ACTR3C: variants seen among roughly 807,000 people sequenced by gnomAD.
ACTR3C encodes actin related protein 3C, also known as actin-related protein 3C.
Under a neutral mutation model 26.3 loss-of-function variants are expected in ACTR3C, and 18 were observed. That is an observed-to-expected ratio of 0.68 (90% CI 0.47 to 1.01). The LOEUF is 1.01. ACTR3C is among the 50% of genes least tolerant of loss of function. ACTR3C has a pLI of 0.00. For synonymous variants in ACTR3C, 55 were observed against 94.5 expected (o/e 0.58, Z 2.42); for missense variants, 184 against 250.7 (o/e 0.73, Z 1.80).
the ACTR3C span, among the ~76,000 whole-genome samples, chr7:149,940,371 A>G: frequency 7.3e-4 from 111 of 152,112 alleles, no homozygotes; most frequent in Non-Finnish European, 1.4e-3. Flanking sequence ...TTTTCTTCTG[A>G]TCACATCTTA....
the ACTR3C span, among the ~76,000 whole-genome samples, chr7:150,036,399 A>G: frequency 6.8e-6 from 1 of 147,308 alleles, no homozygotes; most frequent in African/African-American, 2.5e-5. Context: ...AGTTTGGGTT[A>G]AAAGTCCAGC....
intron 6 of ACTR3C, among the ~76,000 whole-genome samples, chr7:150,280,097 G>A (rs1244862742): frequency 5.3e-5 from 8 of 152,164 alleles, no homozygotes; most frequent in South Asian, 2.1e-4. Flanking sequence ...GTGGGCTGGC[G>A]CTGATGGCGG....
At chr7:150,265,853 G>A (rs148709735) in intron 6 of ACTR3C, among the ~76,000 whole-genome samples, 6,794 of 152,050 alleles carry the variant, frequency 0.045, 442 homozygotes, top group African/African-American at 0.13. Context: ...ACATCTAGGA[G>A]CGGGGAGCAT....
chr7:150,076,647 T>A, the ACTR3C span: 2 of 152,142 alleles, frequency 1.3e-5, no homozygotes, highest in East Asian at 3.9e-4. Flanking sequence ...CCCAGAATAA[T>A]CACAACTTCA....
At chr7:150,229,892 T>C in the ACTR3C span, among the ~76,000 whole-genome samples, 1 of 151,914 alleles carries the variant, frequency 6.6e-6, no homozygotes, top group South Asian at 2.1e-4. Context: ...GAAGATATTA[T>C]AGAGGATTTG....
chr7:150,045,922 A>C, the ACTR3C span, among the ~76,000 whole-genome samples: 1 of 152,108 alleles, frequency 6.6e-6, no homozygotes, highest in Non-Finnish European at 1.5e-5. Flanking sequence ...TCCTGTTTGC[A>C]TTGCAGCTTA....
chr7:150,302,210 G>C (rs1253269069), intron 1 of ACTR3C, among the ~76,000 whole-genome samples: 1 of 152,210 alleles, frequency 6.6e-6, no homozygotes, highest in Admixed American at 6.5e-5. Flanking sequence ...CAAATGTAAA[G>C]CATATGGCAA....
At chr7:150,069,103 T>A in the ACTR3C span, among the ~76,000 whole-genome samples, 6 of 152,212 alleles carry the variant, frequency 3.9e-5, no homozygotes, top group Non-Finnish European at 5.9e-5. Context: ...TTTGAAATAA[T>A]GGTGACAGTA....
At chr7:150,246,632 T>C (rs1832479476), downstream of ACTR3C, 1 of 152,218 alleles carries the variant, frequency 6.6e-6, no homozygotes, top group South Asian at 2.1e-4. Context: ...GACAAGTAGA[T>C]GAGTAGAACA....
At chr7:150,007,541 T>A in the ACTR3C span, among the ~76,000 whole-genome samples, 2 of 152,232 alleles carry the variant, frequency 1.3e-5, no homozygotes, top group Non-Finnish European at 2.9e-5. Flanking sequence ...CTAATTTATT[T>A]AAAAAAATAA....
chr7:149,952,090 C>G, the ACTR3C span, among the ~76,000 whole-genome samples: 2 of 151,152 alleles, frequency 1.3e-5, no homozygotes, highest in Non-Finnish European at 2.9e-5. Flanking sequence ...CTGTCTCTTC[C>G]TCTTCTTATA....
At chr7:150,198,960 G>T in the ACTR3C span, among the ~76,000 whole-genome samples, 22 of 131,882 alleles carry the variant, frequency 1.7e-4, no homozygotes, top group East Asian at 2.6e-3. Flanking sequence ...CCGGCCAGCC[G>T]CCCCGTCCGG....
the ACTR3C span, among the ~76,000 whole-genome samples, chr7:150,093,904 T>C: frequency 6.6e-6 from 1 of 150,892 alleles, no homozygotes; most frequent in Admixed American, 6.6e-5. Flanking sequence ...GAGGGCTTCC[T>C]GCGTGCAGAT....
the ACTR3C span, among the ~76,000 whole-genome samples, chr7:150,029,955 G>A: frequency 8.3e-5 from 12 of 144,012 alleles, no homozygotes; most frequent in African/African-American, 1.6e-4. Context: ...CCTAATCATC[G>A]AATCTCCCAG....
the ACTR3C span, among the ~76,000 whole-genome samples, chr7:150,182,676 A>G: frequency 6.6e-6 from 1 of 150,918 alleles, no homozygotes; most frequent in Non-Finnish European, 1.5e-5. Context: ...TTTAAGATTT[A>G]AAATGAAAGT....
chr7:150,144,525 G>C, the ACTR3C span, among the ~76,000 whole-genome samples: 2 of 150,320 alleles, frequency 1.3e-5, no homozygotes, highest in Non-Finnish European at 2.9e-5. The surrounding 1 kb of genome is among the most constrained non-coding windows in gnomAD (Gnocchi z 4.6). Context: ...ATTATTTTTT[G>C]TCCAATATTA....
At chr7:150,313,329 GT>G (rs1796494791) in intron 1 of ACTR3C, among the ~76,000 whole-genome samples, 2 of 152,198 alleles carry the variant, frequency 1.3e-5, no homozygotes, top group African/African-American at 4.8e-5. Flanking sequence ...GGGTGGGGGT[GT>G]TCCAGGTCAT....
chr7:150,185,029 C>T, the ACTR3C span, among the ~76,000 whole-genome samples: 5 of 151,482 alleles, frequency 3.3e-5, no homozygotes, highest in East Asian at 5.8e-4. Context: ...TGGGCTATGC[C>T]TAAACCATAA....
the ACTR3C span, among the ~76,000 whole-genome samples, chr7:149,957,542 C>A: frequency 3.3e-5 from 5 of 152,144 alleles, no homozygotes; most frequent in Non-Finnish European, 1.5e-5. Context: ...GAACTCCAGG[C>A]TCTCTGGCTT....
Sources: allele counts gnomAD v4.1 joint callset (sites outside exome capture counted in the v4.1 genomes callset), GRCh38; gene constraint gnomAD v4.1.1; non-coding constraint Gnocchi (gnomAD v3.1); transcripts MANE v1.5; gene names NCBI Gene and HGNC (gene_info 2026-07-23, HGNC 2026-07-21).